Variants in CNTN4 observed in about 807,000 individuals in gnomAD.
The protein encoded by CNTN4 is contactin 4.
In CNTN4, 77 loss-of-function variants were observed where a neutral mutation model predicts 122.5. The ratio of observed to expected loss-of-function variants is 0.63; its 90% CI spans 0.52 to 0.76. CNTN4 has a LOEUF of 0.76. Ranked by LOEUF, CNTN4 falls within the 30% of genes least tolerant of loss-of-function variation. The pLI is 0.00. For missense variants in CNTN4, 1,256 were observed against 1,259.1 expected, an observed-to-expected ratio of 1.00 and a Z score of 0.04; for synonymous variants, 512 against 447.0, an observed-to-expected ratio of 1.15 and a Z score of -1.83.
chr3:2,803,802 C>A (rs919330999), intron 6 of CNTN4, among the ~76,000 whole-genome samples: 8 of 152,000 alleles, frequency 5.3e-5, no homozygotes, highest in African/African-American at 1.7e-4. Flanking sequence ...CTCAGGTGAT[C>A]CACCTGCCTT....
chr3:2,549,082 C>T (rs988340651), intron 3 of CNTN4, among the ~76,000 whole-genome samples: 3 of 152,126 alleles, frequency 2.0e-5, no homozygotes, highest in Admixed American at 6.6e-5. Flanking sequence ...GGAGCTGAGA[C>T]GTTGGGGTTT....
intron 6 of CNTN4, among the ~76,000 whole-genome samples, chr3:2,808,525 A>C (rs1248414160): frequency 6.6e-6 from 1 of 152,076 alleles, no homozygotes; most frequent in Non-Finnish European, 1.5e-5. Context: ...TAAAATTATC[A>C]CACTAGATGA....
intron 3 of CNTN4, among the ~76,000 whole-genome samples, chr3:2,400,567 CA>C (rs1489284219): frequency 2.7e-5 from 4 of 149,338 alleles, no homozygotes; most frequent in Admixed American, 6.7e-5. Flanking sequence ...CTTAAGTAAA[CA>C]ATATAGCTCA....
chr3:2,947,456 G>A (rs922436623), intron 13 of CNTN4, among the ~76,000 whole-genome samples: 11 of 152,026 alleles, frequency 7.2e-5, no homozygotes, highest in Non-Finnish European at 1.3e-4. Context: ...AGGAGAAGAA[G>A]GTTTTAAATC....
chr3:2,381,396 A>C lies in CNTN4; in HGVS notation c.-89+42163A>C, dbSNP rs145154211. Among the ~76,000 whole-genome samples the C allele has an allele frequency of 4.2e-3, 633 of 152,290 alleles. 5 individuals are homozygous for C. Among genetic ancestry groups the C allele is most frequent in the African/African-American group, 0.014 (580 of 41,560 alleles). On this transcript the variant is annotated intron_variant, in intron 3 of 24. Coordinates refer to ENST00000418658, the MANE Select transcript of CNTN4 (RefSeq NM_175607.3). ...CTACATTTCCCCCTTAGAACAATGT[A>C]CAGAACAGTCAACATGACAATCAGA...
At chr3:2,546,136 T>C (rs1235774620) in intron 3 of CNTN4, among the ~76,000 whole-genome samples, 3 of 152,038 alleles carry the variant, frequency 2.0e-5, no homozygotes, top group Non-Finnish European at 2.9e-5. Context: ...TAAAACAGAA[T>C]TAGCATTTGA....
intron 2 of CNTN4, among the ~76,000 whole-genome samples, chr3:2,288,042 G>A (rs1036334069): frequency 2.6e-5 from 4 of 152,072 alleles, no homozygotes; most frequent in Admixed American, 6.5e-5. Context: ...AAACATAGGC[G>A]TTTCACAATG....
At chr3:2,211,581 A>T (rs949744611) in intron 2 of CNTN4, among the ~76,000 whole-genome samples, 8 of 152,198 alleles carry the variant, frequency 5.3e-5, no homozygotes, top group Non-Finnish European at 2.9e-5. Context: ...GGCATTCTAA[A>T]ACCTGTATGA....
intron 3 of CNTN4, among the ~76,000 whole-genome samples, chr3:2,464,911 G>A (rs1011807421): frequency 3.3e-5 from 5 of 152,156 alleles, no homozygotes; most frequent in Admixed American, 3.3e-4. Context: ...AACCTTATAG[G>A]CTCTTAATTT....
At chr3:2,663,841 A>C (rs986948102) in intron 4 of CNTN4, among the ~76,000 whole-genome samples, 3 of 152,252 alleles carry the variant, frequency 2.0e-5, no homozygotes, top group Non-Finnish European at 4.4e-5. Flanking sequence ...TGATGCATAC[A>C]TATTACAACA....
At chr3:2,584,134 A>G (rs2080070580) in intron 4 of CNTN4, among the ~76,000 whole-genome samples, 1 of 152,184 alleles carries the variant, frequency 6.6e-6, no homozygotes, top group Admixed American at 6.5e-5. Flanking sequence ...AATAATGTCT[A>G]TTGTAGTCAT....
At chr3:2,276,696 A>G (rs916488808) in intron 2 of CNTN4, among the ~76,000 whole-genome samples, 2 of 152,100 alleles carry the variant, frequency 1.3e-5, no homozygotes, top group Non-Finnish European at 2.9e-5. Flanking sequence ...ATACTATATC[A>G]CTATACTTGT....
At chr3:2,926,600 T>C (rs1247951651) in intron 13 of CNTN4, among the ~76,000 whole-genome samples, 2 of 152,190 alleles carry the variant, frequency 1.3e-5, no homozygotes, top group Non-Finnish European at 2.9e-5. Flanking sequence ...ATATAATGAT[T>C]TTAATTAATG....
At chr3:2,102,062 A>G (rs2032012623) in intron 2 of CNTN4, among the ~76,000 whole-genome samples, 1 of 152,208 alleles carries the variant, frequency 6.6e-6, no homozygotes, top group Admixed American at 6.5e-5. Context: ...GTAAAGGATG[A>G]ATGTGTTTTG....
intron 2 of CNTN4, among the ~76,000 whole-genome samples, chr3:2,212,837 A>G (rs997217263): frequency 2.6e-5 from 4 of 152,226 alleles, no homozygotes; most frequent in Admixed American, 6.5e-5. Flanking sequence ...GATATTTTCT[A>G]AATTCACCTT....
intron 4 of CNTN4, among the ~76,000 whole-genome samples, chr3:2,676,386 T>A (rs1035017281): frequency 6.6e-6 from 1 of 152,276 alleles, no homozygotes; most frequent in Middle Eastern, 3.4e-3. Context: ...CAGGCCTGAC[T>A]AATTTTTGTA....
chr3:2,951,096 C>T (rs908010679), intron 13 of CNTN4, among the ~76,000 whole-genome samples: 1 of 152,090 alleles, frequency 6.6e-6, no homozygotes, highest in African/African-American at 2.4e-5. Context: ...AGGTAACCCA[C>T]GAGAAGCTTA....
In CNTN4 at chr3:2,277,340, C is replaced by T. The variant is rs2041553350; in HGVS notation, c.-144-61838C>T. ...GCCTATTGAGTTGGTTTTTTAAATA[C>T]TAAGAAAATGACTTTTGAAGTTAAA... On this transcript the variant is annotated intron_variant, in intron 2 of 24. Coordinates refer to ENST00000418658, the MANE Select transcript of CNTN4 (RefSeq NM_175607.3). Among the ~76,000 whole-genome samples the T allele has an allele frequency of 1.3e-5, 2 of 152,014 alleles. 1 individual carries two copies. Among genetic ancestry groups the T allele is most frequent in the African/African-American group, 4.8e-5 (2 of 41,382 alleles).
intron 4 of CNTN4, among the ~76,000 whole-genome samples, chr3:2,627,660 A>C (rs925923201): frequency 6.6e-6 from 1 of 151,588 alleles, no homozygotes; most frequent in Admixed American, 6.6e-5. Context: ...CGCCTGGCTA[A>C]TTTTTTGTAT....
Sources: allele counts gnomAD v4.1 joint callset (sites outside exome capture counted in the v4.1 genomes callset), GRCh38; gene constraint gnomAD v4.1.1; transcripts MANE v1.5; gene names NCBI Gene and HGNC (gene_info 2026-07-23, HGNC 2026-07-21).